KCTD3: variants seen among roughly 807,000 people sequenced by gnomAD.
KCTD3 encodes the protein potassium channel tetramerization domain containing 3.
Under a neutral mutation model 85.8 loss-of-function variants are expected in KCTD3, and 41 were observed. The observed-to-expected ratio is 0.48, with a 90% confidence interval of 0.37 to 0.62. The LOEUF is 0.62. Ranked by LOEUF, KCTD3 falls within the 20% of genes least tolerant of loss-of-function variation. KCTD3 has a pLI of 0.00. For missense variants in KCTD3, 724 were observed against 989.9 expected, an observed-to-expected ratio of 0.73 and a Z score of 3.60; for synonymous variants, 338 against 345.4, an observed-to-expected ratio of 0.98 and a Z score of 0.24.
Position 215,611,005 on chromosome 1 carries a change from CT to C in KCTD3, c.1466-815del, listed in dbSNP as rs139899554. ...TTTTATTGTAAATCTTTTTACAATA[CT>C]TTTTATGAATTGTAAGTTGATATTA... On this transcript the variant is annotated intron_variant, in intron 14 of 17. Transcript: ENST00000259154. Among the ~76,000 whole-genome samples the C allele has an allele frequency of 6.5e-3, 981 of 151,832 alleles. 24 individuals carry two copies. In the South Asian group the frequency reaches 0.074, roughly 11 times the overall value.
In KCTD3 at chr1:215,620,769, G is replaced by T. The variant is rs1483506996; in HGVS notation, c.*151G>T. On this transcript the variant is annotated 3_prime_UTR_variant, in exon 18 of 18. Coordinates refer to ENST00000259154, the MANE Select transcript of KCTD3 (RefSeq NM_016121.5). ...TTAACAGAATTACTTGGAATAATGA[G>T]ATACAATAATCATATCTCTTTTGAC... The T allele has an allele frequency of 2.0e-5, 11 of 556,498 alleles. No homozygotes were observed. Among genetic ancestry groups the T allele is most frequent in the African/African-American group, 3.9e-5 (2 of 51,750 alleles). 34.5% of individuals were successfully genotyped at this position (556,498 alleles called of 1,614,324 possible).
intron 10 of KCTD3, among the ~76,000 whole-genome samples, chr1:215,600,905 A>G (rs937009081): frequency 4.6e-5 from 7 of 151,934 alleles, no homozygotes; most frequent in South Asian, 2.1e-4. Context: ...ATATCACTCT[A>G]GTAAAATAGT....
At chr1:215,571,389 C>T (rs1285199927) in intron 1 of KCTD3, among the ~76,000 whole-genome samples, 1 of 152,134 alleles carries the variant, frequency 6.6e-6, no homozygotes. Context: ...CTTAAAGTGA[C>T]TCATTTGTTA....
chr1:215,620,306 T>C lies in KCTD3; in HGVS notation c.2136T>C (p.Pro712=). Residue 712 remains proline, a synonymous_variant, in exon 18 of 18, where the codon CCT becomes CCC. Coordinates refer to ENST00000259154, the MANE Select transcript of KCTD3 (RefSeq NM_016121.5). ...GECNISERKS[P]GVEIKSLREL... ...GTAATATATCTGAGAGAAAGTCTCC[T>C]GGAGTAGAAATAAAAAGTTTGAGAG... 1 of 1,613,974 alleles carries C rather than the reference T, an allele frequency of 6.2e-7. No homozygotes were observed. The highest frequency in any genetic ancestry group is 1.3e-5 in the African/African-American group (1 of 75,048).
At chr1:215,570,609 TGACA>T (rs946040001) in intron 1 of KCTD3, among the ~76,000 whole-genome samples, 10 of 152,154 alleles carry the variant, frequency 6.6e-5, no homozygotes, top group South Asian at 4.1e-4. Context: ...AAATGTAAAG[TGACA>T]GACAGTAGTA....
chr1:215,614,174 A>G (rs112894129), intron 15 of KCTD3, among the ~76,000 whole-genome samples: 5,013 of 151,250 alleles, frequency 0.033, 199 homozygotes, highest in African/African-American at 0.094. Flanking sequence ...TGGGATTACA[A>G]ATGCATGCCA....
At chr1:215,567,817 C>A (rs1421118578) in intron 1 of KCTD3, 49 bp downstream of exon 1, 2 of 1,159,906 alleles carry the variant, frequency 1.7e-6, no homozygotes, top group Non-Finnish European at 2.2e-6. Context: ...TGGCGGCCTC[C>A]TCCTTTGGTG....
At position 215,620,427 on chromosome 1, in the gene KCTD3, T is replaced by A. The variant is rs1250214322; in HGVS notation, c.2257T>A (p.Phe753Ile). ...SEDENENKIE[F>I]RKKGGFEGGG... The stretch of plus-strand genomic sequence containing the variant: ...AGATGAAAATGAAAATAAAATAGAG[T>A]TTAGGAAGAAAGGAGGATTTGAAGG... Residue 753 changes from phenylalanine (F) to isoleucine (I), a missense_variant, in exon 18 of 18, where the codon TTT becomes ATT. By Grantham distance (21) the Phe-to-Ile change is conservative. Transcript: ENST00000259154. The A allele has an allele frequency of 8.7e-6, 14 of 1,613,132 alleles. No individual in the cohort carries two copies. The East Asian group carries it at 3.1e-4, about 36-fold the overall frequency.
At chr1:215,584,286 GTCTT>G (rs1250768501) in intron 8 of KCTD3, among the ~76,000 whole-genome samples, 1 of 152,120 alleles carries the variant, frequency 6.6e-6, no homozygotes, top group Non-Finnish European at 1.5e-5. Flanking sequence ...CCTATTTTCA[GTCTT>G]TCATTTTTAC....
In KCTD3 at chr1:215,620,404, A is replaced by G; in HGVS notation, c.2234A>G (p.Asp745Gly). ...FSESKKRSSE[D>G]ENENKIEFRK... ...GAATCCAAGAAAAGGTCATCAGAAG[A>G]TGAAAATGAAAATAAAATAGAGTTT... The change falls in exon 18 of 18, where the codon GAT becomes GGT. Residue 745 changes from aspartate (D) to glycine (G), a missense_variant. Around this residue, in one of 6 missense-constraint regions of KCTD3, gnomAD observed 222 missense variants for 217.7 expected, o/e 1.02. Transcript: ENST00000259154. The G allele has an allele frequency of 1.2e-6, 2 of 1,612,922 alleles. No homozygotes were observed. Among genetic ancestry groups the G allele is most frequent in the Non-Finnish European group, 1.7e-6 (2 of 1,179,504 alleles).
intron 9 of KCTD3, among the ~76,000 whole-genome samples, chr1:215,594,154 C>G (rs569324481): frequency 1.3e-5 from 2 of 152,156 alleles, no homozygotes; most frequent in South Asian, 4.1e-4. Flanking sequence ...GCCATCATGC[C>G]CGGCCGATTA....
Position 215,620,098 on chromosome 1 carries a change from C to T in KCTD3, c.1928C>T (p.Thr643Ile). The T allele has an allele frequency of 6.2e-7, 1 of 1,610,472 alleles. No individual in the cohort carries two copies. Among genetic ancestry groups the T allele is most frequent in the Middle Eastern group, 1.7e-4 (1 of 6,022 alleles). ...QHHDTTHEAA[T>I]YGSMRPYRES... is the part of the protein sequence containing the mutation. ...CATGATACCACCCATGAAGCAGCTA[C>T]TTACGGTTCCATGAGGCCTTACAGA... The change falls in exon 18 of 18, where the codon ACT (threonine) becomes ATT (isoleucine). Residue 643 changes from threonine (T) to isoleucine (I), a missense_variant. Thr to Ile is a moderately conservative substitution (Grantham distance 89). This residue lies in a region of KCTD3 where 222 missense variants were observed against 217.7 expected (regional missense o/e 1.02). Transcript: ENST00000259154.
At chr1:215,607,746 A>G (rs1395708351) in intron 13 of KCTD3, among the ~76,000 whole-genome samples, 1 of 151,966 alleles carries the variant, frequency 6.6e-6, no homozygotes, top group African/African-American at 2.4e-5. Flanking sequence ...TCTTACACAC[A>G]CATTATTTTT....
chr1:215,617,124 C>T (rs1655486659), intron 15 of KCTD3, among the ~76,000 whole-genome samples: 3 of 152,210 alleles, frequency 2.0e-5, no homozygotes, highest in Admixed American at 1.3e-4. Context: ...TGAAGGGTGG[C>T]GTGCCCAGGG....
chr1:215,592,763 G>A (rs1365036510), intron 9 of KCTD3, among the ~76,000 whole-genome samples: 1 of 152,204 alleles, frequency 6.6e-6, no homozygotes, highest in Non-Finnish European at 1.5e-5. Context: ...GTATATCCAT[G>A]ATAAAGCTCT....
intron 10 of KCTD3, among the ~76,000 whole-genome samples, chr1:215,601,444 G>A (rs1654830209): frequency 6.6e-6 from 1 of 152,118 alleles, no homozygotes; most frequent in African/African-American, 2.4e-5. Context: ...TTGTTTACTA[G>A]TTCTGATTCT....
rs1164131011 is a variant in KCTD3, at chr1:215,573,789, T to C, written c.87T>C (p.Phe29=). The change falls in exon 2 of 18, where the codon TTT becomes TTC. Residue 29 remains phenylalanine (F), a synonymous_variant. Transcript: ENST00000259154. ...IVQLNVGGTR[F]STSRQTLMWI... ...ACCAGATGATTTTTAATTGCAGATT[T>C]AGTACCTCAAGACAAACTCTTATGT... 6.4e-7 allele frequency: 1 copy of C among 1,568,206 alleles called. No individual in the cohort carries two copies. Among genetic ancestry groups the C allele is most frequent in the East Asian group, 2.3e-5 (1 of 44,176 alleles).
At chr1:215,575,055 C>T (rs1571871132) in intron 3 of KCTD3, among the ~76,000 whole-genome samples, 4 of 152,204 alleles carry the variant, frequency 2.6e-5, no homozygotes. Context: ...AGTTCAAGAC[C>T]AGCATGGCCA....
chr1:215,586,426 G>C (rs996203811), intron 8 of KCTD3, 69 bp from the exon 9 acceptor site: 2 of 1,198,646 alleles, frequency 1.7e-6, no homozygotes, highest in Non-Finnish European at 2.3e-6. Flanking sequence ...TGTTTTTGGT[G>C]CATTGATGTG....
Sources: gnomAD v4.1 joint callset for allele counts (sites outside exome capture counted in the v4.1 genomes callset) on GRCh38, gnomAD v4.1.1 for gene constraint, gnomAD v4.1.1 regional missense constraint, MANE v1.5 for transcripts, NCBI Gene and HGNC (gene_info 2026-07-23, HGNC 2026-07-21) for gene names.